The following EMILIN2 variants were observed in gnomAD, a reference collection of about 807,000 sequenced individuals.
The protein encoded by EMILIN2 is EMILIN-2.
EMILIN2 carries 71 observed loss-of-function variants against 87.1 expected under a neutral mutation model. The observed-to-expected ratio is 0.82, with a 90% CI of 0.67 to 0.99. The LOEUF (loss-of-function observed/expected upper bound fraction) is 0.99. Among genes scored for constraint, EMILIN2 ranks in the 50% least tolerant of loss-of-function variants. EMILIN2 has a pLI of 0.00. For synonymous variants in EMILIN2, 581 were observed against 563.4 expected (o/e 1.03, Z -0.44); for missense variants, 1,407 against 1,371.8 (o/e 1.03, Z -0.40).
At chr18:2,883,955 CT>C (rs1015212802) in intron 2 of EMILIN2, among the ~76,000 whole-genome samples, 4 of 152,040 alleles carry the variant, frequency 2.6e-5, no homozygotes, top group Admixed American at 6.6e-5. Flanking sequence ...ATGTTTCTTT[CT>C]TTCTTTTTAT....
At chr18:2,909,250 C>G (rs183111220) in intron 6 of EMILIN2, among the ~76,000 whole-genome samples, 1 of 152,232 alleles carries the variant, frequency 6.6e-6, no homozygotes, top group African/African-American at 2.4e-5. Flanking sequence ...AAGGGGATCA[C>G]TGGGTGGGCC....
intron 2 of EMILIN2, 43 bp from the exon 3 acceptor site, chr18:2,884,921 A>G (rs768197055): frequency 3.6e-5 from 55 of 1,531,552 alleles, no homozygotes; most frequent in Non-Finnish European, 4.8e-5. Flanking sequence ...AGTTGCTTGT[A>G]ACGGCAGCCA....
chr18:2,905,133 C>T (rs1008669657), intron 4 of EMILIN2, among the ~76,000 whole-genome samples: 4 of 152,028 alleles, frequency 2.6e-5, no homozygotes, highest in East Asian at 3.9e-4. Flanking sequence ...ACTAACTTCT[C>T]TGTATCTAGA....
rs114273128 is a variant in EMILIN2, at chr18:2,847,370, G to A, written c.134+48G>A. 2,470 of 1,266,530 alleles carry A rather than the reference G, an allele frequency of 2.0e-3. 50 individuals are homozygous for A. The African/African-American group carries it at 0.036, about 18-fold the overall frequency. 78.5% of individuals were successfully genotyped at this position (1,266,530 alleles called of 1,614,324 possible). A position where few individuals can be genotyped will look rare whatever the true frequency, so the allele number is the denominator to read the frequency against. The stretch of plus-strand genomic sequence containing the variant: ...GCCCCAAACCGCCTACCCCTCCCCG[G>A]CCCCCAGTTGAGCCCCAGAGCTGCC... On this transcript the variant is annotated intron_variant, in intron 1 of 7. Transcript: ENST00000254528. The surrounding 1 kb of genome is among the most constrained non-coding windows in gnomAD (Gnocchi z 4.5).
chr18:2,913,018 G>T, intron 7 of EMILIN2, 49 bp from the exon 8 acceptor site: 2 of 1,587,124 alleles, frequency 1.3e-6, no homozygotes, highest in South Asian at 1.1e-5. Context: ...ACCATGGCAA[G>T]GGCTGTGACG....
chr18:2,882,539 G>A (rs1199749178), intron 2 of EMILIN2, among the ~76,000 whole-genome samples: 1 of 152,046 alleles, frequency 6.6e-6, no homozygotes, highest in Non-Finnish European at 1.5e-5. Context: ...GAGGCCATGG[G>A]CTCGAGACCA....
rs143932479 is a variant in EMILIN2 at position 2,894,731 on chromosome 18, A to G, written c.2359+2245A>G. Among the ~76,000 whole-genome samples the G allele has an allele frequency of 2.6e-5, 4 of 152,240 alleles. No homozygotes were observed. Among genetic ancestry groups the G allele is most frequent in the Non-Finnish European group, 4.4e-5 (3 of 68,018 alleles). ...GACTGCATGGAGTTTTGAGAATTTC[A>G]TTGATTGGAAAAGAGCCAGAAATAA... On this transcript the variant is annotated intron_variant, in intron 4 of 7. Coordinates refer to ENST00000254528, the MANE Select transcript of EMILIN2 (RefSeq NM_032048.3). The surrounding 1 kb of genome is among the most constrained non-coding windows in gnomAD (Gnocchi z 5.0).
At chr18:2,906,160 G>C (rs558108436) in intron 4 of EMILIN2, 1 of 152,172 alleles carries the variant, frequency 6.6e-6, no homozygotes, top group Non-Finnish European at 1.5e-5. Context: ...GGCTCGTTCC[G>C]GGAACGAGTT....
Position 2,847,986 on chromosome 18 carries a change from G to T in EMILIN2, c.257+55G>T. 2 of 1,497,796 alleles carry T rather than the reference G, an allele frequency of 1.3e-6. No individual in the cohort carries two copies. Among genetic ancestry groups the T allele is most frequent in the Non-Finnish European group, 1.8e-6 (2 of 1,121,140 alleles). 92.8% of individuals were successfully genotyped at this position (1,497,796 alleles called of 1,614,324 possible). A position where few individuals can be genotyped will look rare whatever the true frequency, so the allele number is the denominator to read the frequency against. ...GCGCGCCCGGGCCGGGGCGGTGGGGGTGGGGTGGGGTTGCTGCGCTGGGCT... is the reference window on the plus strand; with the variant it reads ...GCGCGCCCGGGCCGGGGCGGTGGGGTTGGGGTGGGGTTGCTGCGCTGGGCT... On this transcript the variant is annotated intron_variant, in intron 2 of 7. Transcript: ENST00000254528. This position sits in a 1 kb window ranked among gnomAD's most constrained non-coding sequence, Gnocchi z 4.5.
At position 2,890,655 on chromosome 18, in the gene EMILIN2, TC is replaced by T; in HGVS notation, c.529del (p.Gln177ArgfsTer11). 6.2e-7 allele frequency: 1 copy of T among 1,614,096 alleles called. No homozygotes were observed. Among genetic ancestry groups the T allele is most frequent in the Non-Finnish European group, 8.5e-7 (1 of 1,179,972 alleles). ...SWGVDPKEGP[Q>X]ELQEKKIQVL... Reference sequence around the variant, plus strand: ...GGGGGGTAGATCCAAAAGAGGGGCCTCAGGAACTTCAGGAAAAGAAGATACA... The same window carrying T: ...GGGGGGTAGATCCAAAAGAGGGGCCTAGGAACTTCAGGAAAAGAAGATACA... On this transcript the variant is annotated frameshift_variant, in exon 4 of 8. Transcript: ENST00000254528. LOFTEE classifies it high-confidence loss of function. The surrounding 1 kb of genome is among the most constrained non-coding windows in gnomAD (Gnocchi z 4.7).
intron 2 of EMILIN2, among the ~76,000 whole-genome samples, chr18:2,851,691 C>G (rs998247815): frequency 6.6e-6 from 1 of 152,122 alleles, no homozygotes; most frequent in Non-Finnish European, 1.5e-5. Flanking sequence ...GTATGAAAAG[C>G]CTTAGATTCC....
chr18:2,906,786 C>T lies in EMILIN2; in HGVS notation c.2363C>T (p.Ala788Val). 7.9e-7 allele frequency: 1 copy of T among 1,262,104 alleles called. No individual in the cohort carries two copies. Among genetic ancestry groups the T allele is most frequent in the East Asian group, 3.3e-5 (1 of 30,338 alleles). The allele number at this position is 1,262,104 out of a possible 1,614,324, so 78.2% of individuals were successfully genotyped here. The change falls in exon 5 of 8, where the codon GCG (alanine) becomes GTG (valine). Residue 788 changes from alanine to valine, a missense_variant. Transcript: ENST00000254528. The stretch of plus-strand genomic sequence containing the variant: ...CTTTCTCCCCGACGCCCGGCAGAGG[C>T]GCCCTCGCCCCCGCCGCCCGCAGAG... The part of the protein sequence containing the change: ...DLVKFQPSAK[A>V]PSPPPPAEAP...
intron 2 of EMILIN2, among the ~76,000 whole-genome samples, chr18:2,871,319 C>T (rs958793604): frequency 6.6e-6 from 1 of 152,198 alleles, no homozygotes; most frequent in Non-Finnish European, 1.5e-5. Flanking sequence ...TCAAGTGATC[C>T]TCCTGCCTCT....
rs769455482 is a variant in EMILIN2 at position 2,913,341 on chromosome 18, C to G, written c.3099C>G (p.Asp1033Glu). 2.5e-6 allele frequency: 4 copies of G among 1,612,530 alleles called. No individual in the cohort carries two copies. In the African/African-American group the frequency reaches 5.3e-5, roughly 22 times the overall value. ...VVTGGKLAHT[D>E]FDEMYSTFSG... ...CTGGGGGCAAGCTGGCTCACACAGA[C>G]TTTGATGAAATGTACTCCACATTTA... is the stretch of plus-strand genomic sequence containing the variant. The change falls in exon 8 of 8, where the codon GAC (aspartate) becomes GAG (glutamate). Residue 1033 changes from aspartate (D) to glutamate (E), a missense_variant. Coordinates refer to ENST00000254528, the MANE Select transcript of EMILIN2 (RefSeq NM_032048.3).
Position 2,847,126 on chromosome 18 carries a change from G to A in EMILIN2, c.-63G>A. The A allele has an allele frequency of 9.4e-7, 1 of 1,065,330 alleles. No individual in the cohort carries two copies. The highest frequency in any genetic ancestry group is 1.1e-6 in the Non-Finnish European group (1 of 881,794). The allele number at this position is 1,065,330 out of a possible 1,614,324, so 66.0% of individuals were successfully genotyped here. ...CGCCCTGGCCGCCGGCAGCCTTGTG[G>A]CCGGTGCCCCGATCCGCCGCGCTCC... On this transcript the variant is annotated 5_prime_UTR_variant, in exon 1 of 8. Transcript: ENST00000254528. The surrounding 1 kb of genome is among the most constrained non-coding windows in gnomAD (Gnocchi z 4.5).
At chr18:2,902,273 A>G (rs933411037) in intron 4 of EMILIN2, among the ~76,000 whole-genome samples, 8 of 152,110 alleles carry the variant, frequency 5.3e-5, no homozygotes, top group Non-Finnish European at 1.0e-4. Flanking sequence ...TTCACCCAAT[A>G]CTTAAATTGT....
At position 2,913,665 on chromosome 18, in the gene EMILIN2, G is replaced by C. The variant is rs1395603382; in HGVS notation, c.*261G>C. The C allele has an allele frequency of 6.3e-6, 2 of 318,580 alleles. No homozygotes were observed. Among genetic ancestry groups the C allele is most frequent in the Non-Finnish European group, 1.2e-5 (2 of 173,870 alleles). The allele number at this position is 318,580 out of a possible 1,614,324, so 19.7% of individuals were successfully genotyped here. A position where few individuals can be genotyped will look rare whatever the true frequency, so the allele number is the denominator to read the frequency against. On this transcript the variant is annotated 3_prime_UTR_variant, in exon 8 of 8. Transcript: ENST00000254528. ...GGAAGACTTGGAAAGGCCTCCACCTGTATCTACACTCTGAGGGCCCTGGAC... is the reference window on the plus strand; with the variant it reads ...GGAAGACTTGGAAAGGCCTCCACCTCTATCTACACTCTGAGGGCCCTGGAC...
chr18:2,858,238 A>C (rs1335251125), intron 2 of EMILIN2, among the ~76,000 whole-genome samples: 2 of 151,152 alleles, frequency 1.3e-5, no homozygotes, highest in African/African-American at 4.9e-5. Context: ...GTGGTGATTT[A>C]TGAGATTTTG....
intron 2 of EMILIN2, 59 bp from the exon 3 acceptor site, chr18:2,884,905 G>C: frequency 6.6e-7 from 1 of 1,519,730 alleles, no homozygotes; most frequent in Non-Finnish European, 8.9e-7. Flanking sequence ...TGGGTCTAGC[G>C]CCGGAAGTTG....
Sources: allele counts gnomAD v4.1 joint callset (sites outside exome capture counted in the v4.1 genomes callset), GRCh38; gene constraint gnomAD v4.1.1; non-coding constraint Gnocchi (gnomAD v3.1); transcripts MANE v1.5; gene names NCBI Gene and HGNC (gene_info 2026-07-23, HGNC 2026-07-21).